Variants in MARVELD3 observed in about 807,000 individuals in gnomAD.
The protein encoded by MARVELD3 is MARVEL domain-containing protein 3.
Under a neutral mutation model 33.5 loss-of-function variants are expected in MARVELD3, and 28 were observed. The observed-to-expected ratio is 0.84, with a 90% CI of 0.62 to 1.15. MARVELD3 has a LOEUF of 1.15. Ranked by LOEUF, MARVELD3 falls within the 50% of genes most tolerant of loss-of-function variation. The probability of loss-of-function intolerance (pLI) is 0.00; values close to 1 mark genes in which losing one functional copy is unlikely to be tolerated. For synonymous variants in MARVELD3, 241 were observed against 230.4 expected (o/e 1.05, Z -0.42); for missense variants, 582 against 547.6 (o/e 1.06, Z -0.63).
At chr16:71,640,913 C>T (rs753002870), downstream of MARVELD3, 7 of 1,614,002 alleles carry the variant, frequency 4.3e-6, no homozygotes, top group South Asian at 5.5e-5. Context: ...TGTACGGCGC[C>T]AGCGTGGTGC....
intron 1 of MARVELD3, 176 bp from the exon 2 acceptor site, chr16:71,629,191 T>G: frequency 1.6e-6 from 1 of 644,332 alleles, no homozygotes; most frequent in Non-Finnish European, 2.4e-6. Flanking sequence ...GGGCCAAGTA[T>G]TTGGATGTCC....
downstream of MARVELD3, chr16:71,640,831 T>C (rs757227071): frequency 1.2e-6 from 2 of 1,614,100 alleles, no homozygotes; most frequent in Non-Finnish European, 1.7e-6. Context: ...CGCAAGGGTC[T>C]CACCTGGATG....
chr16:71,636,145 G>A lies in MARVELD3; in HGVS notation c.*1342G>A, dbSNP rs970019295. On this transcript the variant is annotated 3_prime_UTR_variant, in exon 3 of 3. Coordinates refer to ENST00000268485, the MANE Select transcript of MARVELD3 (RefSeq NM_052858.6). ...TTATGGAACATTACAATATATTCTC[G>A]GTCCAAGTGAGTAAGTTCTTTGCTT... is the stretch of plus-strand genomic sequence containing the variant. The A allele has an allele frequency of 7.9e-5, 78 of 985,018 alleles. No individual in the cohort carries two copies. The African/African-American group carries it at 8.7e-4, about 11-fold the overall frequency. 61.0% of individuals were successfully genotyped at this position (985,018 alleles called of 1,614,324 possible).
intron 2 of MARVELD3, among the ~76,000 whole-genome samples, chr16:71,633,137 A>G (rs1032148815): frequency 7.2e-5 from 11 of 151,848 alleles, no homozygotes; most frequent in Non-Finnish European, 1.3e-4. Flanking sequence ...CCAAGGCAGG[A>G]GGATCGCCTG....
chr16:71,633,056 C>G (rs2044548033), intron 2 of MARVELD3, among the ~76,000 whole-genome samples: 2 of 151,906 alleles, frequency 1.3e-5, no homozygotes, highest in African/African-American at 4.8e-5. Context: ...GTATTCACCA[C>G]AGAACATATA....
At chr16:71,632,102 G>A (rs1305349136) in intron 2 of MARVELD3, among the ~76,000 whole-genome samples, 1 of 152,206 alleles carries the variant, frequency 6.6e-6, no homozygotes, top group Non-Finnish European at 1.5e-5. Flanking sequence ...TCTAGAAAAG[G>A]CAGAACTAGT....
At position 71,626,828 on chromosome 16, in the gene MARVELD3, C is replaced by A; in HGVS notation, c.467+132C>A. On this transcript the variant is annotated intron_variant, in intron 1 of 2. Transcript: ENST00000268485. The surrounding 1 kb of genome is among the most constrained non-coding windows in gnomAD (Gnocchi z 5.3). The stretch of plus-strand genomic sequence containing the variant: ...AATGAACAAATGCCGTTTCTCCCTT[C>A]TGCGCTCTCAGAGGCGACCTGGCAG... 1 of 806,016 alleles carries A rather than the reference C, an allele frequency of 1.2e-6. No homozygotes were observed. The highest frequency in any genetic ancestry group is 1.8e-6 in the Non-Finnish European group (1 of 564,204). 49.9% of individuals were successfully genotyped at this position (806,016 alleles called of 1,614,324 possible). A position where few individuals can be genotyped will look rare whatever the true frequency, so the allele number is the denominator to read the frequency against.
downstream of MARVELD3, chr16:71,639,206 G>C (rs1019116618): frequency 6.6e-6 from 1 of 151,300 alleles, no homozygotes; most frequent in Non-Finnish European, 1.5e-5. Flanking sequence ...CAAGTGGGTG[G>C]GATTACAGGC....
intron 2 of MARVELD3, 66 bp downstream of exon 2, chr16:71,629,560 G>C: frequency 6.8e-7 from 1 of 1,470,262 alleles, no homozygotes; most frequent in Non-Finnish European, 9.0e-7. Context: ...GATGGTCTGA[G>C]CTGGTGAAGC....
At chr16:71,640,822 G>T (rs763956465), downstream of MARVELD3, 2 of 1,614,096 alleles carry the variant, frequency 1.2e-6, no homozygotes, top group Non-Finnish European at 1.7e-6. Flanking sequence ...CTCTATGCCC[G>T]CAAGGGTCTC....
chr16:71,636,575 A>G (rs941268044), downstream of MARVELD3: 2 of 152,062 alleles, frequency 1.3e-5, no homozygotes, highest in African/African-American at 4.8e-5. Context: ...CCTCACCCAG[A>G]AAGACTTTTT....
rs149885769 is a variant in MARVELD3 at position 71,630,668 on chromosome 16, T to C, written c.595+1174T>C. On this transcript the variant is annotated intron_variant, in intron 2 of 2. Coordinates refer to ENST00000268485, the MANE Select transcript of MARVELD3 (RefSeq NM_052858.6). ...AATAAAATATATGTATATATATATA[T>C]ACACACACATAATATATTCACAAGG... is the stretch of plus-strand genomic sequence containing the variant. Among the ~76,000 whole-genome samples the C allele has an allele frequency of 4.6e-3, 699 of 151,228 alleles. 11 individuals are homozygous for C. The highest frequency in any genetic ancestry group is 0.016 in the African/African-American group (666 of 41,284).
At chr16:71,629,184 C>A in intron 1 of MARVELD3, 183 bp from the exon 2 acceptor site, 1 of 607,364 alleles carries the variant, frequency 1.6e-6, no homozygotes, top group Non-Finnish European at 2.6e-6. Context: ...TGGAGCTGGG[C>A]CAAGTATTTG....
rs1374142351 is a variant in MARVELD3 at position 71,626,411 on chromosome 16, G to A, written c.182G>A (p.Arg61Lys). 12 of 1,546,642 alleles carry A rather than the reference G, an allele frequency of 7.8e-6. No individual in the cohort carries two copies. In the East Asian group the frequency reaches 2.4e-4, roughly 32 times the overall value. Residue 61 changes from arginine to lysine, a missense_variant, in exon 1 of 3, where the codon AGA (arginine) becomes AAA (lysine). Coordinates refer to ENST00000268485, the MANE Select transcript of MARVELD3 (RefSeq NM_052858.6). The surrounding 1 kb of genome is among the most constrained non-coding windows in gnomAD (Gnocchi z 5.3). ...AGGGACGGGGACCGGGACCCGGAGA[G>A]AGACCAGGAGAGGGACGGGAACCGC... Reference protein sequence around the residue: ...RRRDGDRDPERDQERDGNRDR... With the variant: ...RRRDGDRDPEKDQERDGNRDR...
Position 71,634,479 on chromosome 16 carries a change from G to A in MARVELD3, c.882G>A (p.Arg294=). The change falls in exon 3 of 3, where the codon CGG becomes CGA. Residue 294 remains arginine (R), a synonymous_variant. Coordinates refer to ENST00000268485, the MANE Select transcript of MARVELD3 (RefSeq NM_052858.6). The part of the protein sequence containing the change: ...CCLFVAMGVL[R]VPWHCPLLLV... ...TCTTCGTTGCCATGGGTGTCCTGCG[G>A]GTCCCGTGGCATTGTCCACTGTTGC... 1 of 1,614,216 alleles carries A rather than the reference G, an allele frequency of 6.2e-7. No homozygotes were observed. The highest frequency in any genetic ancestry group is 8.5e-7 in the Non-Finnish European group (1 of 1,180,040).
At position 71,634,361 on chromosome 16, in the gene MARVELD3, C is replaced by T; in HGVS notation, c.764C>T (p.Ala255Val). 2 of 1,614,160 alleles carry T rather than the reference C, an allele frequency of 1.2e-6. No individual in the cohort carries two copies. Among genetic ancestry groups the T allele is most frequent in the Non-Finnish European group, 1.7e-6 (2 of 1,180,038 alleles). Residue 255 changes from alanine (A) to valine (V), a missense_variant, in exon 3 of 3, where the codon GCC (alanine) becomes GTC (valine). Coordinates refer to ENST00000268485, the MANE Select transcript of MARVELD3 (RefSeq NM_052858.6). The part of the protein sequence containing the change: ...SGFDGADGEK[A>V]QQLDVQFYQL... ...TTTGATGGTGCTGACGGGGAGAAGGCCCAGCAACTGGATGTCCAGTTCTAC... is the reference window on the plus strand; with the variant it reads ...TTTGATGGTGCTGACGGGGAGAAGGTCCAGCAACTGGATGTCCAGTTCTAC...
chr16:71,633,485 T>A (rs1300482039), intron 2 of MARVELD3, among the ~76,000 whole-genome samples: 1 of 152,092 alleles, frequency 6.6e-6, no homozygotes, highest in East Asian at 1.9e-4. Context: ...CCTCCACCTC[T>A]CGGGTTCAAG....
chr16:71,634,849 G>C lies in MARVELD3; in HGVS notation c.*46G>C. On this transcript the variant is annotated 3_prime_UTR_variant, in exon 3 of 3. Transcript: ENST00000268485. ...CAGATGCAAGTGGTGGTGGAAGGTA[G>C]TCTGAGCCACTGCCTTTCCCAAGAA... 1.3e-6 allele frequency: 2 copies of C among 1,528,948 alleles called. No individual in the cohort carries two copies. Among genetic ancestry groups the C allele is most frequent in the Middle Eastern group, 1.8e-4 (1 of 5,638 alleles). 94.7% of individuals were successfully genotyped at this position (1,528,948 alleles called of 1,614,324 possible). A position where few individuals can be genotyped will look rare whatever the true frequency, so the allele number is the denominator to read the frequency against.
Position 71,629,433 on chromosome 16 carries a change from C to T in MARVELD3, c.534C>T (p.Tyr178=), listed in dbSNP as rs762988325. 1.9e-6 allele frequency: 3 copies of T among 1,583,530 alleles called. No individual in the cohort carries two copies. The highest frequency in any genetic ancestry group is 2.6e-6 in the Non-Finnish European group (3 of 1,167,802). Residue 178 remains tyrosine, a synonymous_variant, in exon 2 of 3, where the codon TAC becomes TAT. Transcript: ENST00000268485. Reference sequence around the variant, plus strand: ...CTGGACGAGAGGAGGTGGAATATTACCAGTCAGAGGCGGAAGGACTCCTGG... The same window carrying T: ...CTGGACGAGAGGAGGTGGAATATTATCAGTCAGAGGCGGAAGGACTCCTGG... ...PRPGREEVEY[Y]QSEAEGLLEC...
Sources: allele counts gnomAD v4.1 joint callset (sites outside exome capture counted in the v4.1 genomes callset), GRCh38; gene constraint gnomAD v4.1.1; non-coding constraint Gnocchi (gnomAD v3.1); transcripts MANE v1.5; gene names NCBI Gene and HGNC (gene_info 2026-07-23, HGNC 2026-07-21).